Variants in CADM2 observed in about 807,000 individuals in gnomAD.
CADM2 encodes cell adhesion molecule 2.
A neutral mutation model predicts 49.8 loss-of-function variants in CADM2; 12 were observed. That is an observed-to-expected ratio of 0.24 (90% CI 0.15 to 0.39). The LOEUF is 0.39. Among genes scored for constraint, CADM2 ranks in the 10% least tolerant of loss-of-function variants. The pLI, the probability that CADM2 is intolerant of heterozygous loss-of-function variation, is 1.00. For missense variants in CADM2, 378 were observed against 492.3 expected (o/e 0.77, Z 2.20); for synonymous variants, 214 against 175.4 (o/e 1.22, Z -1.74).
At chr3:86,022,910 T>C (rs1044176219) in intron 8 of CADM2, among the ~76,000 whole-genome samples, 3 of 152,182 alleles carry the variant, frequency 2.0e-5, no homozygotes, top group African/African-American at 7.2e-5. Flanking sequence ...GACATTCTAT[T>C]GCTACTTTTT....
intron 8 of CADM2, among the ~76,000 whole-genome samples, chr3:86,048,305 A>C (rs1336199118): frequency 6.6e-6 from 1 of 152,134 alleles, no homozygotes; most frequent in African/African-American, 2.4e-5. Flanking sequence ...CAGAAAATAT[A>C]GCATTTTCTG....
chr3:85,628,704 T>G (rs2064209485), intron 1 of CADM2, among the ~76,000 whole-genome samples: 1 of 149,748 alleles, frequency 6.7e-6, no homozygotes, highest in African/African-American at 2.4e-5. Context: ...TTGCTTGCTA[T>G]AAGATTTACC....
chr3:85,701,294 C>T (rs1372193892), intron 1 of CADM2, among the ~76,000 whole-genome samples: 1 of 152,126 alleles, frequency 6.6e-6, no homozygotes, highest in South Asian at 2.1e-4. Flanking sequence ...CTACCAGGCC[C>T]CACCTCCAGC....
intron 3 of CADM2, among the ~76,000 whole-genome samples, chr3:85,807,130 T>G (rs937884136): frequency 2.0e-5 from 3 of 152,164 alleles, no homozygotes; most frequent in African/African-American, 7.2e-5. Context: ...CTGGGCAGCC[T>G]CTGCCATTGA....
Position 86,069,142 on chromosome 3 carries a change from C to A in CADM2, c.*2359C>A, listed in dbSNP as rs1241599190. The A allele has an allele frequency of 6.6e-6, 1 of 151,934 alleles. No individual in the cohort carries two copies. Among genetic ancestry groups the A allele is most frequent in the Non-Finnish European group, 1.5e-5 (1 of 67,856 alleles). The allele number at this position is 151,934 out of a possible 1,614,324, so 9.4% of individuals were successfully genotyped here. A position where few individuals can be genotyped will look rare whatever the true frequency, so the allele number is the denominator to read the frequency against. On this transcript the variant is annotated 3_prime_UTR_variant, in exon 10 of 10. Transcript: ENST00000383699. The stretch of plus-strand genomic sequence containing the variant: ...CTCTTCATCGATGCCGTATTTACAT[C>A]CCTCTTCATTTCATCTATATTCTAC...
chr3:85,108,504 A>G (rs2038332372), intron 1 of CADM2, among the ~76,000 whole-genome samples: 1 of 152,166 alleles, frequency 6.6e-6, no homozygotes, highest in Non-Finnish European at 1.5e-5. Flanking sequence ...TCACCAAGAC[A>G]GAATGTTGAA....
intron 1 of CADM2, among the ~76,000 whole-genome samples, chr3:85,407,053 T>A (rs1228247326): frequency 6.6e-6 from 1 of 151,878 alleles, no homozygotes; most frequent in Non-Finnish European, 1.5e-5. Flanking sequence ...AATAAAAAAA[T>A]TAAACAGGTG....
chr3:85,496,501 A>G (rs1184538408), intron 1 of CADM2, among the ~76,000 whole-genome samples: 1 of 152,192 alleles, frequency 6.6e-6, no homozygotes, highest in African/African-American at 2.4e-5. Flanking sequence ...TGCAATGAAC[A>G]TACGAATGCA....
intron 1 of CADM2, among the ~76,000 whole-genome samples, chr3:85,031,546 G>A (rs1171108647): frequency 1.3e-5 from 2 of 152,004 alleles, no homozygotes; most frequent in Middle Eastern, 3.4e-3. Flanking sequence ...ACGGAGTCTC[G>A]CTCTGTCGCC....
intron 1 of CADM2, among the ~76,000 whole-genome samples, chr3:85,211,367 C>A (rs2041774642): frequency 6.6e-6 from 1 of 151,804 alleles, no homozygotes. Flanking sequence ...TTTTTGGGTT[C>A]TTTAAGATGT....
intron 1 of CADM2, among the ~76,000 whole-genome samples, chr3:85,366,433 G>T (rs1290274788): frequency 3.3e-5 from 5 of 152,140 alleles, no homozygotes; most frequent in Non-Finnish European, 7.4e-5. Flanking sequence ...ATGCCAAAAT[G>T]CAGTGAACCA....
intron 3 of CADM2, chr3:85,805,488 C>T (rs1577351979): frequency 6.6e-6 from 1 of 151,508 alleles, no homozygotes; most frequent in African/African-American, 2.4e-5. Flanking sequence ...CAATTTCCTT[C>T]TTCTTTTTTT....
At chr3:85,479,402 G>A (rs1298740471) in intron 1 of CADM2, among the ~76,000 whole-genome samples, 1 of 151,108 alleles carries the variant, frequency 6.6e-6, no homozygotes, top group Non-Finnish European at 1.5e-5. Context: ...ACTGCTCCAT[G>A]TAATTGTATT....
intron 1 of CADM2, among the ~76,000 whole-genome samples, chr3:84,986,240 C>T (rs2032542305): frequency 6.6e-6 from 1 of 152,106 alleles, no homozygotes; most frequent in South Asian, 2.1e-4. Flanking sequence ...TTTGTTCAGG[C>T]ATTTGTGACT....
intron 2 of CADM2, among the ~76,000 whole-genome samples, chr3:85,790,548 A>C (rs2071262112): frequency 6.6e-6 from 1 of 152,144 alleles, no homozygotes; most frequent in African/African-American, 2.4e-5. Flanking sequence ...AATCTGAAGG[A>C]GCCTTTTGTC....
At chr3:85,219,507 A>G (rs1296420931) in intron 1 of CADM2, among the ~76,000 whole-genome samples, 1 of 152,138 alleles carries the variant, frequency 6.6e-6, no homozygotes, top group African/African-American at 2.4e-5. Context: ...AATATACATT[A>G]TTTTTATATA....
chr3:85,479,613 C>T (rs1412305339), intron 1 of CADM2, among the ~76,000 whole-genome samples: 2 of 151,896 alleles, frequency 1.3e-5, no homozygotes, highest in Non-Finnish European at 2.9e-5. Context: ...GCATCTCCAC[C>T]ACTTCTCTCT....
chr3:85,688,302 A>G (rs2066275749), intron 1 of CADM2, among the ~76,000 whole-genome samples: 2 of 152,190 alleles, frequency 1.3e-5, no homozygotes, highest in African/African-American at 2.4e-5. Flanking sequence ...AATGATTTGG[A>G]CAGTCACTTT....
intron 1 of CADM2, among the ~76,000 whole-genome samples, chr3:85,543,942 C>CTTT (rs2061606104): frequency 6.6e-6 from 1 of 152,102 alleles, no homozygotes. Context: ...TCCTTTGGCC[C>CTTT]AAAGCATAAA....
Sources: gnomAD v4.1 joint callset for allele counts (sites outside exome capture counted in the v4.1 genomes callset) on GRCh38, gnomAD v4.1.1 for gene constraint, MANE v1.5 for transcripts, NCBI Gene and HGNC (gene_info 2026-07-23, HGNC 2026-07-21) for gene names.